SHKBP1: variants seen among roughly 807,000 people sequenced by gnomAD.
SHKBP1 encodes SH3KBP1-binding protein 1.
In SHKBP1, 71 loss-of-function variants were observed where a neutral mutation model predicts 83.9. That is an observed-to-expected ratio of 0.85 (90% CI 0.70 to 1.03). The LOEUF (loss-of-function observed/expected upper bound fraction) is 1.03, where lower values mean the gene tolerates loss of function less well. SHKBP1 is among the 50% of genes least tolerant of loss of function. The pLI is 0.00. For missense variants in SHKBP1, 824 were observed against 982.4 expected (o/e 0.84, Z 2.16); for synonymous variants, 371 against 398.0 (o/e 0.93, Z 0.81).
chr19:40,584,117 A>AGAC (rs895029072), intron 12 of SHKBP1, among the ~76,000 whole-genome samples: 11 of 152,178 alleles, frequency 7.2e-5, no homozygotes, highest in African/African-American at 2.4e-4. Flanking sequence ...CTGGGATTAC[A>AGAC]GACGTGAGCC....
In SHKBP1 at chr19:40,590,354, G is replaced by A; in HGVS notation, c.1700G>A (p.Gly567Asp). 2 of 1,612,148 alleles carry A rather than the reference G, an allele frequency of 1.2e-6. No individual in the cohort carries two copies. Among genetic ancestry groups the A allele is most frequent in the Admixed American group, 3.3e-5 (2 of 59,894 alleles). ...CGGCCCCGGCGCTACCTGCTCACTG[G>A]CCAGGCCAACGGCAGCTTGGCCATG... is the stretch of plus-strand genomic sequence containing the variant. ...GSRPRRYLLT[G>D]QANGSLAMWD... Residue 567 changes from glycine (G) to aspartate (D), a missense_variant, in exon 16 of 18, where the codon GGC becomes GAC. Transcript: ENST00000291842. This position sits in a 1 kb window ranked among gnomAD's most constrained non-coding sequence, Gnocchi z 4.6.
At chr19:40,588,893 T>C in intron 14 of SHKBP1, 114 bp downstream of exon 14, 1 of 1,432,872 alleles carries the variant, frequency 7.0e-7, no homozygotes, top group Admixed American at 2.0e-5. Context: ...ACGATTGGGG[T>C]GTCCTGATCC....
At position 40,590,869 on chromosome 19, in the gene SHKBP1, C is replaced by T. The variant is rs371736881; in HGVS notation, c.1892+16C>T. 6.4e-6 allele frequency: 10 copies of T among 1,573,544 alleles called. No individual in the cohort carries two copies. The highest frequency in any genetic ancestry group is 7.8e-6 in the Non-Finnish European group (9 of 1,151,518). On this transcript the variant is annotated intron_variant, in intron 17 of 17. Transcript: ENST00000291842. The surrounding 1 kb of genome is among the most constrained non-coding windows in gnomAD (Gnocchi z 4.6). ...CCCTCACCAGGTAGCCACAACTCCACTGCCCCTTCTGTGCAATGAGGGGAG... is the reference window on the plus strand; with the variant it reads ...CCCTCACCAGGTAGCCACAACTCCATTGCCCCTTCTGTGCAATGAGGGGAG...
At position 40,583,985 on chromosome 19, in the gene SHKBP1, C is replaced by T. The variant is rs145336732; in HGVS notation, c.1165+268C>T. ...CCTCCCAAGTAGCTAGGATTACAGG[C>T]GCCCACTGCCACGCCTGGCTAATTT... On this transcript the variant is annotated intron_variant, in intron 12 of 17. Transcript: ENST00000291842. 6.1e-3 allele frequency among the ~76,000 whole-genome samples: 934 copies of T among 152,232 alleles called. 4 individuals are homozygous for T. Among genetic ancestry groups the T allele is most frequent in the Non-Finnish European group, 9.0e-3 (614 of 68,010 alleles).
At chr19:40,589,049 G>C in intron 14 of SHKBP1, 33 bp from the exon 15 acceptor site, 3 of 1,597,026 alleles carry the variant, frequency 1.9e-6, no homozygotes, top group Non-Finnish European at 2.6e-6. Context: ...GGGAATCCCA[G>C]CTGGCCCTGA....
chr19:40,586,371 C>CTTTT (rs918733661), intron 12 of SHKBP1, among the ~76,000 whole-genome samples: 4 of 140,338 alleles, frequency 2.9e-5, no homozygotes, highest in African/African-American at 2.6e-5. Context: ...TTCTTTCTTT[C>CTTTT]TTTTTTTTTT....
intron 10 of SHKBP1, 88 bp from the exon 11 acceptor site, chr19:40,583,310 G>A (rs1239821422): frequency 1.8e-6 from 2 of 1,107,308 alleles, no homozygotes; most frequent in African/African-American, 1.6e-5. Flanking sequence ...TGGAGGTGGA[G>A]GAGAGGGCCC....
rs1038255259 is a variant in SHKBP1, at chr19:40,576,922, C to A, written c.23C>A (p.Ala8Asp). The A allele has an allele frequency of 3.4e-6, 5 of 1,482,756 alleles. No homozygotes were observed. In the Admixed American group the frequency reaches 1.1e-4, roughly 34 times the overall value. 91.8% of individuals were successfully genotyped at this position (1,482,756 alleles called of 1,614,324 possible). The change falls in exon 1 of 18, where the codon GCC becomes GAC. Residue 8 changes from alanine to aspartate, a missense_variant. Transcript: ENST00000291842. MAAAATA[A>D]EGVPSRGPPG... Reference sequence around the variant, plus strand: ...GCCATGGCAGCAGCGGCTACTGCAGCCGAGGGGGTCCCCAGTCGGGGGCCT... The same window carrying A: ...GCCATGGCAGCAGCGGCTACTGCAGACGAGGGGGTCCCCAGTCGGGGGCCT...
intron 1 of SHKBP1, 55 bp from the exon 2 acceptor site, chr19:40,577,176 G>A: frequency 6.3e-7 from 1 of 1,595,050 alleles, no homozygotes; most frequent in Non-Finnish European, 8.6e-7. Flanking sequence ...GGAGGGGGAC[G>A]CATTCCTCAC....
At position 40,590,764 on chromosome 19, in the gene SHKBP1, G is replaced by A. The variant is rs773792502; in HGVS notation, c.1803G>A (p.Gln601=). 6.9e-6 allele frequency: 11 copies of A among 1,602,692 alleles called. No individual in the cohort carries two copies. Among genetic ancestry groups the A allele is most frequent in the Admixed American group, 3.3e-5 (2 of 59,708 alleles). ...TGACGGAGCAAGAGCTGATGGAACA[G>A]CTGGAACACTGTGAGCTGGCCCCGC... ...GGLTEQELME[Q]LEHCELAPPA... is the part of the protein sequence containing the mutation. The change falls in exon 17 of 18, where the codon CAG becomes CAA. Residue 601 remains glutamine, a synonymous_variant. Coordinates refer to ENST00000291842, the MANE Select transcript of SHKBP1 (RefSeq NM_138392.4). This position sits in a 1 kb window ranked among gnomAD's most constrained non-coding sequence, Gnocchi z 4.6.
rs369139511 is a variant in SHKBP1, at chr19:40,591,049, C to T, written c.1966C>T (p.Arg656Trp). ...CCCAAGCCCCCCGCAGGCTGAGGCC[C>T]GGCGCCGTGGTGGGGGCAGCTTTGT... ...GSPSPPQAEARRRGGGSFVER... is the reference protein window; with the variant it reads ...GSPSPPQAEAWRRGGGSFVER... Residue 656 changes from arginine (R) to tryptophan (W), a missense_variant, in exon 18 of 18, where the codon CGG becomes TGG. This residue lies in a region of SHKBP1 where 287 missense variants were observed against 322.9 expected (regional missense o/e 0.89). Transcript: ENST00000291842. The T allele has an allele frequency of 1.9e-5, 30 of 1,612,874 alleles. No individual in the cohort carries two copies. The highest frequency in any genetic ancestry group is 1.6e-4 in the Middle Eastern group (1 of 6,080).
chr19:40,583,496 G>C lies in SHKBP1; in HGVS notation c.1048+11G>C, dbSNP rs1385096509. 6.2e-7 allele frequency: 1 copy of C among 1,613,162 alleles called. No individual in the cohort carries two copies. The highest frequency in any genetic ancestry group is 1.1e-5 in the South Asian group (1 of 90,996). ...CCATTTACTACGTGGGTGAGCAGCAGCCTGTGTCCCGGGTGCCCGAGACCC... is the reference window on the plus strand; with the variant it reads ...CCATTTACTACGTGGGTGAGCAGCACCCTGTGTCCCGGGTGCCCGAGACCC... On this transcript the variant is annotated intron_variant, in intron 11 of 17. Transcript: ENST00000291842.
chr19:40,588,762 G>A lies in SHKBP1; in HGVS notation c.1475G>A (p.Ser492Asn), dbSNP rs765348686. 2 of 1,613,540 alleles carry A rather than the reference G, an allele frequency of 1.2e-6. No individual in the cohort carries two copies. The highest frequency in any genetic ancestry group is 4.5e-5 in the East Asian group (2 of 44,884). ...LESADGHGGC[S>N]AGNDIGPYGE... Reference sequence around the variant, plus strand: ...TCGGCAGATGGGCATGGCGGCTGCAGTGCTGGCAATGACATTGGTGCCTAC... The same window carrying A: ...TCGGCAGATGGGCATGGCGGCTGCAATGCTGGCAATGACATTGGTGCCTAC... Residue 492 changes from serine to asparagine, a missense_variant, in exon 14 of 18, where the codon AGT becomes AAT. Transcript: ENST00000291842.
intron 6 of SHKBP1, 111 bp downstream of exon 6, chr19:40,578,653 G>A: frequency 1.1e-6 from 1 of 925,384 alleles, no homozygotes; most frequent in Non-Finnish European, 1.7e-6. Context: ...TACAGTGGGA[G>A]GTGTAGTTCC....
At position 40,590,479 on chromosome 19, in the gene SHKBP1, C is replaced by T. The variant is rs1159446169; in HGVS notation, c.1768+57C>T. The T allele has an allele frequency of 2.0e-6, 3 of 1,530,488 alleles. No homozygotes were observed. The highest frequency in any genetic ancestry group is 1.8e-6 in the Non-Finnish European group (2 of 1,130,524). 94.8% of individuals were successfully genotyped at this position (1,530,488 alleles called of 1,614,324 possible). On this transcript the variant is annotated intron_variant, in intron 16 of 17. Coordinates refer to ENST00000291842, the MANE Select transcript of SHKBP1 (RefSeq NM_138392.4). This position sits in a 1 kb window ranked among gnomAD's most constrained non-coding sequence, Gnocchi z 4.6. ...AGCCCCACAGCCTCACCCAGAACCA[C>T]TCTCCACTGCCAACTGCTTGATCTC...
Position 40,582,368 on chromosome 19 carries a change from G to A in SHKBP1, c.862G>A (p.Val288Met), listed in dbSNP as rs776662272. The change falls in exon 10 of 18, where the codon GTG (valine) becomes ATG (methionine). Residue 288 changes from valine (V) to methionine (M), a missense_variant. Val to Met is a conservative substitution (Grantham distance 21). This residue lies in a region of SHKBP1 where 355 missense variants were observed against 386.4 expected (regional missense o/e 0.92). Transcript: ENST00000291842. ...CACTGCAGGGGTCTTTCATCTGGGG[G>A]TGCCTGTGGAGGCCTTGTTCTTCGT... ...GSEIGVFHLG[V>M]PVEALFFVGN... The A allele has an allele frequency of 6.2e-7, 1 of 1,614,086 alleles. No homozygotes were observed. The highest frequency in any genetic ancestry group is 2.2e-5 in the East Asian group (1 of 44,892).
chr19:40,589,566 G>A (rs2081340818), intron 15 of SHKBP1, among the ~76,000 whole-genome samples: 1 of 144,002 alleles, frequency 6.9e-6, no homozygotes, highest in South Asian at 2.4e-4. Flanking sequence ...GGGACCAGGG[G>A]CAGGGGTCGG....
At chr19:40,588,336 A>G (rs527559027) in intron 13 of SHKBP1, among the ~76,000 whole-genome samples, 37 of 152,252 alleles carry the variant, frequency 2.4e-4, no homozygotes, top group African/African-American at 8.4e-4. Context: ...AGGAGCAGGG[A>G]CCTCTGGGAG....
chr19:40,587,181 G>A (rs374857064), intron 13 of SHKBP1, among the ~76,000 whole-genome samples: 2 of 152,102 alleles, frequency 1.3e-5, no homozygotes, highest in African/African-American at 2.4e-5. Flanking sequence ...AACGATTTAC[G>A]GGGCACCCAC....
Sources: gnomAD v4.1 joint callset for allele counts (sites outside exome capture counted in the v4.1 genomes callset) on GRCh38, gnomAD v4.1.1 for gene constraint, gnomAD v4.1.1 regional missense constraint, Gnocchi (gnomAD v3.1) non-coding constraint, MANE v1.5 for transcripts, NCBI Gene and HGNC (gene_info 2026-07-23, HGNC 2026-07-21) for gene names.